The following PSMD14 variants were observed in gnomAD, a reference collection of about 807,000 sequenced individuals.
PSMD14 encodes the protein ubiquitin C-terminal hydrolase PSMD14.
PSMD14 carries 7 observed loss-of-function variants against 41.2 expected under a neutral mutation model. The ratio of observed to expected loss-of-function variants is 0.17; its 90% CI spans 0.10 to 0.32. The LOEUF is 0.32. Among genes scored for constraint, PSMD14 ranks in the 10% least tolerant of loss-of-function variants. PSMD14 has a pLI of 1.00. For synonymous variants in PSMD14, 114 were observed against 122.3 expected (o/e 0.93, Z 0.45); for missense variants, 139 against 375.6 (o/e 0.37, Z 5.21).
intron 3 of PSMD14, among the ~76,000 whole-genome samples, chr2:161,361,700 A>G (rs1052809200): frequency 6.6e-6 from 1 of 152,228 alleles, no homozygotes; most frequent in Non-Finnish European, 1.5e-5. Context: ...TAATAGTGGG[A>G]AATATTAATG....
chr2:161,369,125 T>C (rs1683398201), intron 5 of PSMD14, among the ~76,000 whole-genome samples: 1 of 151,998 alleles, frequency 6.6e-6, no homozygotes, highest in Non-Finnish European at 1.5e-5. Flanking sequence ...AACTAACTTA[T>C]ATATGTTATG....
intron 3 of PSMD14, among the ~76,000 whole-genome samples, chr2:161,354,705 A>G (rs1486780135): frequency 2.0e-5 from 3 of 152,276 alleles, no homozygotes; most frequent in African/African-American, 7.2e-5. Flanking sequence ...CACATTTTTT[A>G]AATAGGTGAA....
intron 3 of PSMD14, among the ~76,000 whole-genome samples, chr2:161,323,039 A>G (rs1333318296): frequency 6.6e-6 from 1 of 152,148 alleles, no homozygotes; most frequent in Non-Finnish European, 1.5e-5. Flanking sequence ...CCAAAACTCT[A>G]CTGCATACTG....
intron 4 of PSMD14, 90 bp downstream of exon 4, chr2:161,367,639 C>G (rs965038815): frequency 1.4e-6 from 2 of 1,422,172 alleles, no homozygotes; most frequent in Non-Finnish European, 1.9e-6. Flanking sequence ...TTAATCCTCT[C>G]AGACATAAAT....
chr2:161,325,475 A>G (rs888969659), intron 3 of PSMD14, among the ~76,000 whole-genome samples: 1 of 152,136 alleles, frequency 6.6e-6, no homozygotes, highest in Non-Finnish European at 1.5e-5. Flanking sequence ...GTTTTGGTCT[A>G]ATGTTTGGTA....
rs369128260 is a variant in PSMD14 at position 161,330,810 on chromosome 2, A to G, written c.48+11937A>G. On this transcript the variant is annotated intron_variant, in intron 3 of 11. Transcript: ENST00000409682. ...GGGCATAATGGCTTAGGGACAATAGAGTAAATAATAAAAATAATAAAAATT... is the reference window on the plus strand; with the variant it reads ...GGGCATAATGGCTTAGGGACAATAGGGTAAATAATAAAAATAATAAAAATT... Among the ~76,000 whole-genome samples, 45 of 152,308 alleles carry G rather than the reference A, an allele frequency of 3.0e-4. No homozygotes were observed. In the South Asian group the frequency reaches 9.1e-3, roughly 31 times the overall value.
At chr2:161,403,910 ATT>A (rs1000876605) in intron 10 of PSMD14, among the ~76,000 whole-genome samples, 1 of 145,442 alleles carries the variant, frequency 6.9e-6, no homozygotes. Context: ...ATGAATTTAA[ATT>A]TTTTTTTTTT....
At chr2:161,385,600 A>C (rs765539728) in intron 8 of PSMD14, 29 bp downstream of exon 8, 1 of 1,414,346 alleles carries the variant, frequency 7.1e-7, no homozygotes, top group South Asian at 1.2e-5. Context: ...AATGTGTTAA[A>C]ACTCTTTTAA....
At chr2:161,338,130 T>G (rs1194817585) in intron 3 of PSMD14, among the ~76,000 whole-genome samples, 2 of 152,208 alleles carry the variant, frequency 1.3e-5, no homozygotes, top group African/African-American at 4.8e-5. Flanking sequence ...GCACATAGCC[T>G]TGTGGTGAGT....
chr2:161,314,761 A>G lies in PSMD14; in HGVS notation c.-137-1676A>G, dbSNP rs371781854. ...TAGCTGAACAGTATTTCATATTACA[A>G]TATTCCTATATGTGTTTATAGTAGA... On this transcript the variant is annotated intron_variant, in intron 1 of 11. Coordinates refer to ENST00000409682, the MANE Select transcript of PSMD14 (RefSeq NM_005805.6). Among the ~76,000 whole-genome samples, 363 of 152,338 alleles carry G rather than the reference A, an allele frequency of 2.4e-3. 2 individuals are homozygous for G. Among genetic ancestry groups the G allele is most frequent in the South Asian group, 0.012 (57 of 4,832 alleles).
chr2:161,381,697 T>A (rs879530987), intron 7 of PSMD14: 2 of 151,950 alleles, frequency 1.3e-5, no homozygotes, highest in Non-Finnish European at 2.9e-5. Flanking sequence ...CAAAAAATTA[T>A]GGTTTAAACT....
At position 161,334,052 on chromosome 2, in the gene PSMD14, G is replaced by T. The variant is rs575821129; in HGVS notation, c.48+15179G>T. Among the ~76,000 whole-genome samples the T allele has an allele frequency of 2.6e-5, 4 of 151,694 alleles. No homozygotes were observed. The South Asian group carries it at 6.3e-4, about 24-fold the overall frequency. The stretch of plus-strand genomic sequence containing the variant: ...TCAAAAAGAAACAAAAAACAAAAAG[G>T]CCAGGCCTGGTGGCTCACACCTGTA... On this transcript the variant is annotated intron_variant, in intron 3 of 11. Transcript: ENST00000409682.
At chr2:161,328,913 A>G (rs971482108) in intron 3 of PSMD14, among the ~76,000 whole-genome samples, 1 of 152,152 alleles carries the variant, frequency 6.6e-6, no homozygotes, top group Non-Finnish European at 1.5e-5. Context: ...AATAACATTA[A>G]ATAACATTTT....
intron 10 of PSMD14, among the ~76,000 whole-genome samples, chr2:161,404,563 C>T (rs1683924735): frequency 6.6e-6 from 1 of 152,118 alleles, no homozygotes; most frequent in African/African-American, 2.4e-5. Context: ...ATATAACCTC[C>T]TACGTCATTG....
At chr2:161,358,667 G>A (rs371805533) in intron 3 of PSMD14, among the ~76,000 whole-genome samples, 12 of 152,266 alleles carry the variant, frequency 7.9e-5, no homozygotes, top group South Asian at 2.1e-4. Context: ...GAGCCTGGCC[G>A]GGCACGGTGG....
chr2:161,380,995 G>A (rs1683564074), intron 7 of PSMD14, among the ~76,000 whole-genome samples: 1 of 151,916 alleles, frequency 6.6e-6, no homozygotes, highest in African/African-American at 2.4e-5. Context: ...TGGGTTAAGT[G>A]TTGCCTTTCT....
At chr2:161,310,567 A>ATC (rs983229999) in intron 1 of PSMD14, among the ~76,000 whole-genome samples, 49 of 152,286 alleles carry the variant, frequency 3.2e-4, no homozygotes, top group African/African-American at 1.1e-3. Context: ...TGATTAAATA[A>ATC]TCTCTTCTAG....
At chr2:161,349,817 T>C (rs1349365802) in intron 3 of PSMD14, among the ~76,000 whole-genome samples, 1 of 152,184 alleles carries the variant, frequency 6.6e-6, no homozygotes, top group Non-Finnish European at 1.5e-5. Context: ...TTGCAAGGTA[T>C]GGTCTAAACT....
chr2:161,405,401 G>T (rs1401344487), intron 10 of PSMD14, among the ~76,000 whole-genome samples: 1 of 152,172 alleles, frequency 6.6e-6, no homozygotes, highest in African/African-American at 2.4e-5. Flanking sequence ...ACTGCATTAT[G>T]ATTTGAGAAA....
Sources: gnomAD v4.1 joint callset for allele counts (sites outside exome capture counted in the v4.1 genomes callset) on GRCh38, gnomAD v4.1.1 for gene constraint, MANE v1.5 for transcripts, NCBI Gene and HGNC (gene_info 2026-07-23, HGNC 2026-07-21) for gene names.